NBAS: variants seen among roughly 807,000 people sequenced by gnomAD.
NBAS encodes the protein NAG/BC035112 fusion.
Under a neutral mutation model 302.5 loss-of-function variants are expected in NBAS, and 219 were observed. That is an observed-to-expected ratio of 0.72 (90% CI 0.65 to 0.81). The LOEUF (loss-of-function observed/expected upper bound fraction) is 0.81. Among genes scored for constraint, NBAS ranks in the 30% least tolerant of loss-of-function variants. The probability of loss-of-function intolerance (pLI) is 0.00; values close to 1 mark genes in which losing one functional copy is unlikely to be tolerated. For missense variants in NBAS, 2,932 were observed against 2,841.6 expected, an observed-to-expected ratio of 1.03 and a Z score of -0.72; for synonymous variants, 1,118 against 1,021.6, an observed-to-expected ratio of 1.09 and a Z score of -1.80.
At chr2:14,983,954 A>G in the NBAS span, among the ~76,000 whole-genome samples, 2 of 152,190 alleles carry the variant, frequency 1.3e-5, no homozygotes, top group Admixed American at 6.5e-5. Flanking sequence ...TTCATTGAAC[A>G]TAAATATTTG....
At chr2:15,000,896 C>A in the NBAS span, among the ~76,000 whole-genome samples, 1 of 152,112 alleles carries the variant, frequency 6.6e-6, no homozygotes, top group African/African-American at 2.4e-5. Context: ...GCCTGGCAAG[C>A]TAAGAATTCC....
At chr2:15,448,747 TAGC>T (rs1167394435) in intron 21 of NBAS, among the ~76,000 whole-genome samples, 2 of 152,216 alleles carry the variant, frequency 1.3e-5, no homozygotes, top group Admixed American at 1.3e-4. Flanking sequence ...TTTTGATTCT[TAGC>T]AGAATTTTTC....
rs1372507596 is a variant in NBAS at position 15,351,848 on chromosome 2, TGAAAA to T, written c.4179+139_4179+143del. Reference sequence around the variant, plus strand: ...ATATTTCACACACACACACAAAAGCTGAAAAGAAAAGTGGTCTGCATGCACACACA... The same window carrying T: ...ATATTTCACACACACACACAAAAGCTGAAAAGTGGTCTGCATGCACACACA... On this transcript the variant is annotated intron_variant, in intron 35 of 51. Transcript: ENST00000281513. 22 of 708,956 alleles carry T rather than the reference TGAAAA, an allele frequency of 3.1e-5. No individual in the cohort carries two copies. In the Middle Eastern group the frequency reaches 1.2e-3, roughly 37 times the overall value. The allele number at this position is 708,956 out of a possible 1,614,324, so 43.9% of individuals were successfully genotyped here. A position where few individuals can be genotyped will look rare whatever the true frequency, so the allele number is the denominator to read the frequency against.
intron 37 of NBAS, 25 bp downstream of exon 37, chr2:15,328,174 A>G (rs368998686): frequency 7.5e-6 from 12 of 1,595,784 alleles, no homozygotes; most frequent in Admixed American, 6.7e-5. Flanking sequence ...AGTTAAATCT[A>G]TCTTCCTAGA....
At chr2:14,937,698 T>C in the NBAS span, among the ~76,000 whole-genome samples, 1 of 152,180 alleles carries the variant, frequency 6.6e-6, no homozygotes, top group South Asian at 2.1e-4. Context: ...CATTCTATTG[T>C]TATTCTTGAG....
At chr2:14,974,226 G>C in the NBAS span, among the ~76,000 whole-genome samples, 1 of 152,112 alleles carries the variant, frequency 6.6e-6, no homozygotes, top group African/African-American at 2.4e-5. Context: ...TGGAAACTTT[G>C]AATTATCTAG....
At chr2:15,279,577 A>G (rs1285962371) in intron 42 of NBAS, among the ~76,000 whole-genome samples, 18 of 152,196 alleles carry the variant, frequency 1.2e-4, no homozygotes, top group Admixed American at 8.5e-4. Flanking sequence ...TAGTTCATCT[A>G]TGTTTGACTT....
the NBAS span, among the ~76,000 whole-genome samples, chr2:15,095,536 G>A: frequency 2.6e-5 from 4 of 152,170 alleles, no homozygotes; most frequent in South Asian, 2.1e-4. Context: ...GGGAATTATG[G>A]GAGTAAAGTT....
chr2:14,824,869 G>C, the NBAS span, among the ~76,000 whole-genome samples: 1 of 151,976 alleles, frequency 6.6e-6, no homozygotes, highest in African/African-American at 2.4e-5. Flanking sequence ...TGAGGGAAAA[G>C]GAAAATGCAT....
chr2:15,403,126 A>C (rs1676233696), intron 25 of NBAS, among the ~76,000 whole-genome samples: 1 of 151,862 alleles, frequency 6.6e-6, no homozygotes. Flanking sequence ...ACAATAAAAT[A>C]AATCTAAGAT....
At chr2:15,441,512 A>C (rs1347251594) in intron 21 of NBAS, among the ~76,000 whole-genome samples, 35 of 150,634 alleles carry the variant, frequency 2.3e-4, no homozygotes, top group South Asian at 2.2e-3. Flanking sequence ...GGAAGCACTA[A>C]ACATGGAAAG....
intron 21 of NBAS, among the ~76,000 whole-genome samples, chr2:15,452,486 G>T (rs1407375687): frequency 1.3e-5 from 2 of 151,764 alleles, no homozygotes; most frequent in Non-Finnish European, 2.9e-5. Context: ...TACTCAGGAG[G>T]CTGAGGCAGG....
intron 44 of NBAS, among the ~76,000 whole-genome samples, chr2:15,248,937 A>T (rs547056308): frequency 6.6e-6 from 1 of 152,140 alleles, no homozygotes; most frequent in African/African-American, 2.4e-5. Flanking sequence ...AGAAGAGTGA[A>T]TCCTCCCTAA....
the NBAS span, among the ~76,000 whole-genome samples, chr2:15,008,058 C>T: frequency 6.6e-6 from 1 of 152,198 alleles, no homozygotes; most frequent in East Asian, 1.9e-4. Flanking sequence ...ACCTGGACTC[C>T]CACTGACAAT....
At chr2:15,326,440 A>C (rs1372012120) in intron 38 of NBAS, among the ~76,000 whole-genome samples, 1 of 152,238 alleles carries the variant, frequency 6.6e-6, no homozygotes, top group East Asian at 1.9e-4. Context: ...TAATAGGTCC[A>C]CATCCAACCT....
In NBAS at chr2:15,531,649, C is replaced by T. The variant is rs559386352; in HGVS notation, c.746+2894G>A. 2.0e-5 allele frequency among the ~76,000 whole-genome samples: 3 copies of T among 152,330 alleles called. No homozygotes were observed. The South Asian group carries it at 6.2e-4, about 32-fold the overall frequency. On this transcript the variant is annotated intron_variant, in intron 9 of 51. Coordinates refer to ENST00000281513, the MANE Select transcript of NBAS (RefSeq NM_015909.4). Reference sequence around the variant, plus strand: ...ACTCACCACGCTCTCTTTGACCTCACCTTATTACTCTGTGTCACTATCTGC... The same window carrying T: ...ACTCACCACGCTCTCTTTGACCTCATCTTATTACTCTGTGTCACTATCTGC...
At chr2:15,005,043 A>G in the NBAS span, among the ~76,000 whole-genome samples, 15 of 152,198 alleles carry the variant, frequency 9.9e-5, no homozygotes, top group African/African-American at 3.6e-4. Context: ...CTGCAACTGT[A>G]TTATGAATTT....
chr2:15,459,878 A>G (rs1408569211), intron 21 of NBAS, among the ~76,000 whole-genome samples: 1 of 152,186 alleles, frequency 6.6e-6, no homozygotes, highest in African/African-American at 2.4e-5. Flanking sequence ...TTACTGACCT[A>G]CAACTTAAAG....
rs1672140209 is a variant in NBAS at position 15,327,783 on chromosome 2, T to C, written c.4549A>G (p.Lys1517Glu). ...GTTGGAAATACTTCTCCTTTATTTT[T>C]AGCCTCTGCCAATTTTCCAGTTCTC... ...LLRTGKLAEA[K>E]NKGEVFPTTE... Residue 1517 changes from lysine (K) to glutamate (E), a missense_variant, in exon 38 of 52, where the codon AAA (lysine) becomes GAA (glutamate). Lys to Glu is a moderately conservative substitution (Grantham distance 56). Transcript: ENST00000281513. 1.2e-6 allele frequency: 2 copies of C among 1,613,682 alleles called. No homozygotes were observed. The highest frequency in any genetic ancestry group is 1.7e-6 in the Non-Finnish European group (2 of 1,179,784).
Sources: allele counts gnomAD v4.1 joint callset (sites outside exome capture counted in the v4.1 genomes callset), GRCh38; gene constraint gnomAD v4.1.1; transcripts MANE v1.5; gene names NCBI Gene and HGNC (gene_info 2026-07-23, HGNC 2026-07-21).